The following RASSF3 variants were observed in gnomAD, a reference collection of about 807,000 sequenced individuals.
RASSF3 encodes ras association domain-containing protein 3.
In RASSF3, 19 loss-of-function variants were observed where a neutral mutation model predicts 19.9. The ratio of observed to expected loss-of-function variants is 0.96; its 90% CI spans 0.67 to 1.40. RASSF3 has a LOEUF of 1.40. Among genes scored for constraint, RASSF3 ranks in the 40% most tolerant of loss-of-function variants. RASSF3 has a pLI of 0.00. For synonymous variants in RASSF3, 110 were observed against 104.2 expected, an observed-to-expected ratio of 1.06 and a Z score of -0.34; for missense variants, 306 against 289.8, an observed-to-expected ratio of 1.06 and a Z score of -0.41.
intron 2 of RASSF3, among the ~76,000 whole-genome samples, chr12:64,551,949 A>C (rs1869171407): frequency 1.3e-5 from 2 of 152,194 alleles, no homozygotes; most frequent in Admixed American, 1.3e-4. Flanking sequence ...TGTGCACAGC[A>C]ACGTCCACCC....
intron 1 of RASSF3, among the ~76,000 whole-genome samples, chr12:64,667,034 C>T (rs1422827259): frequency 6.6e-6 from 1 of 151,352 alleles, no homozygotes; most frequent in Non-Finnish European, 1.5e-5. Flanking sequence ...GGTAGAAGCC[C>T]GTTAATGGGT....
chr12:64,696,970 C>A lies in RASSF3; in HGVS notation c.*2058C>A, dbSNP rs1314173454. On this transcript the variant is annotated 3_prime_UTR_variant, in exon 5 of 5. Transcript: ENST00000542104. The stretch of plus-strand genomic sequence containing the variant: ...ATTACCACCTGGTTTTTTAATTATT[C>A]ATCCCAGTAAACTTATATTTTGTGA... The A allele has an allele frequency of 6.6e-6, 1 of 151,576 alleles. No individual in the cohort carries two copies. Among genetic ancestry groups the A allele is most frequent in the Non-Finnish European group, 1.5e-5 (1 of 67,956 alleles). 9.4% of individuals were successfully genotyped at this position (151,576 alleles called of 1,614,324 possible).
intron 1 of RASSF3, among the ~76,000 whole-genome samples, chr12:64,641,400 G>GCACACACACACACACACACACA (rs530475322): frequency 0.012 from 1,236 of 106,864 alleles, 7 homozygotes; most frequent in African/African-American, 0.018. Context: ...TGTCTCACAG[G>GCACACACACACACACACACACA]CGCACACACA....
rs113534713 is a variant in RASSF3 at position 64,639,463 on chromosome 12, C to T, written c.111+28720C>T. 7.8e-3 allele frequency among the ~76,000 whole-genome samples: 1,135 copies of T among 146,422 alleles called. 16 individuals are homozygous for T. Among genetic ancestry groups the T allele is most frequent in the African/African-American group, 0.029 (1,088 of 37,208 alleles). On this transcript the variant is annotated intron_variant, in intron 1 of 4. Coordinates refer to ENST00000542104, the MANE Select transcript of RASSF3 (RefSeq NM_178169.4). ...TTTTGAACAGGTGATAACATTTTTG[C>T]GTGGCCTTAAAATTTCTATAATTTA...
At chr12:64,543,638 G>A (rs973325382), downstream of RASSF3, among the ~76,000 whole-genome samples, 1 of 147,946 alleles carries the variant, frequency 6.8e-6, no homozygotes, top group African/African-American at 2.5e-5. Flanking sequence ...GAGGAGTGCG[G>A]GCGCACGGCG....
chr12:64,539,283 A>G (rs1184552779), intron 1 of RASSF3, among the ~76,000 whole-genome samples: 1 of 152,052 alleles, frequency 6.6e-6, no homozygotes, highest in Non-Finnish European at 1.5e-5. Context: ...TACTCTTCTT[A>G]TAAAGCCACC....
chr12:64,581,111 A>G (rs1380526690), intron 2 of RASSF3, among the ~76,000 whole-genome samples: 2 of 126,162 alleles, frequency 1.6e-5, no homozygotes, highest in Non-Finnish European at 3.1e-5. Flanking sequence ...TTACTGTGGT[A>G]AAAAAAAAAA....
At chr12:64,680,645 G>A (rs1873089113) in intron 1 of RASSF3, among the ~76,000 whole-genome samples, 3 of 151,712 alleles carry the variant, frequency 2.0e-5, no homozygotes, top group South Asian at 2.1e-4. Flanking sequence ...ACAGAGTCTC[G>A]CTCTGTCGCC....
chr12:64,645,060 A>T lies in RASSF3; in HGVS notation c.111+34317A>T, dbSNP rs1363720913. 2.6e-5 allele frequency among the ~76,000 whole-genome samples: 4 copies of T among 152,070 alleles called. No individual in the cohort carries two copies. The East Asian group carries it at 7.7e-4, about 29-fold the overall frequency. ...TTGGTGACAGCCTGAGGACTTTCTT[A>T]TGGATTAAGGTGGGAATTATTTATG... On this transcript the variant is annotated intron_variant, in intron 1 of 4. Transcript: ENST00000542104.
intron 2 of RASSF3, among the ~76,000 whole-genome samples, chr12:64,585,271 T>C (rs1164060298): frequency 1.3e-5 from 2 of 152,156 alleles, no homozygotes; most frequent in Non-Finnish European, 1.5e-5. Flanking sequence ...TTACCAAGCC[T>C]TAGAAGGCCC....
chr12:64,537,416 A>G (rs1868851898), intron 1 of RASSF3, among the ~76,000 whole-genome samples: 1 of 152,216 alleles, frequency 6.6e-6, no homozygotes, highest in Non-Finnish European at 1.5e-5. Flanking sequence ...AAAGAGGTAG[A>G]GATAGAATTC....
At chr12:64,682,694 G>A (rs1236034568) in intron 1 of RASSF3, among the ~76,000 whole-genome samples, 1 of 151,716 alleles carries the variant, frequency 6.6e-6, no homozygotes, top group Non-Finnish European at 1.5e-5. Flanking sequence ...TGGTATTGAC[G>A]CAAGTTCTGT....
In RASSF3 at chr12:64,579,384, G is replaced by A. The variant is rs1193889439; in HGVS notation, c.294+37679G>A. Reference sequence around the variant, plus strand: ...TTTTTTTGAGACGGAGTCTCTCTCTGTCTGTCGCCCAGGCTGGAGTGCCGT... The same window carrying A: ...TTTTTTTGAGACGGAGTCTCTCTCTATCTGTCGCCCAGGCTGGAGTGCCGT... On this transcript the variant is annotated intron_variant, in intron 2 of 5. Coordinates refer to the RASSF3 transcript ENST00000637125. Among the ~76,000 whole-genome samples, 4 of 118,630 alleles carry A rather than the reference G, an allele frequency of 3.4e-5. No individual in the cohort carries two copies. In the East Asian group the frequency reaches 9.5e-4, roughly 28 times the overall value. The allele number at this position is 118,630 out of a possible 152,430, so 77.8% of individuals were successfully genotyped here.
chr12:64,664,439 C>G (rs1470679671), intron 1 of RASSF3, among the ~76,000 whole-genome samples: 1 of 152,146 alleles, frequency 6.6e-6, no homozygotes, highest in African/African-American at 2.4e-5. Flanking sequence ...GCAGTTTACA[C>G]CTGCATAGGC....
intron 1 of RASSF3, among the ~76,000 whole-genome samples, chr12:64,663,668 G>T (rs934614052): frequency 1.3e-5 from 2 of 151,908 alleles, no homozygotes; most frequent in African/African-American, 4.8e-5. Context: ...ACCATGCCCG[G>T]CTAATTTTTG....
chr12:64,627,781 A>G (rs1051010764), intron 1 of RASSF3, among the ~76,000 whole-genome samples: 10 of 152,220 alleles, frequency 6.6e-5, no homozygotes, highest in Admixed American at 2.0e-4. Flanking sequence ...ATGGAGATCT[A>G]GCTCCTAGGA....
chr12:64,664,680 T>G (rs764963352), intron 1 of RASSF3, among the ~76,000 whole-genome samples: 1 of 152,208 alleles, frequency 6.6e-6, no homozygotes, highest in Non-Finnish European at 1.5e-5. Context: ...CCTGGCTTTT[T>G]TTGTTTAAAA....
At chr12:64,558,845 C>T (rs1869298282) in intron 2 of RASSF3, among the ~76,000 whole-genome samples, 1 of 152,208 alleles carries the variant, frequency 6.6e-6, no homozygotes. Flanking sequence ...GATGTGGCTT[C>T]TGACTGGAGT....
chr12:64,648,804 T>TTTTTC (rs1355669357), intron 1 of RASSF3, among the ~76,000 whole-genome samples: 2 of 141,864 alleles, frequency 1.4e-5, no homozygotes, highest in Non-Finnish European at 3.1e-5. Flanking sequence ...TTACATTGAT[T>TTTTTC]TTTTTTTTTT....
Sources: allele counts gnomAD v4.1 joint callset (sites outside exome capture counted in the v4.1 genomes callset), GRCh38; gene constraint gnomAD v4.1.1; transcripts MANE v1.5; gene names NCBI Gene and HGNC (gene_info 2026-07-23, HGNC 2026-07-21).